LATS2: variants seen among roughly 807,000 people sequenced by gnomAD.
The protein encoded by LATS2 is large tumor suppressor kinase 2.
A neutral mutation model predicts 76.0 loss-of-function variants in LATS2; 24 were observed. The ratio of observed to expected loss-of-function variants is 0.32; its 90% CI spans 0.23 to 0.44. The LOEUF (loss-of-function observed/expected upper bound fraction) is 0.44. LATS2 is among the 20% of genes least tolerant of loss of function. LATS2 has a pLI of 1.00. For synonymous variants in LATS2, 692 were observed against 635.4 expected, an observed-to-expected ratio of 1.09 and a Z score of -1.34; for missense variants, 1,286 against 1,481.2, an observed-to-expected ratio of 0.87 and a Z score of 2.16.
intron 2 of LATS2, among the ~76,000 whole-genome samples, chr13:21,030,903 C>G (rs1872511894): frequency 6.6e-6 from 1 of 151,902 alleles, no homozygotes. Flanking sequence ...AATACAGGTC[C>G]CCTGGTAACA....
At position 20,975,334 on chromosome 13, in the gene LATS2, G is replaced by A. The variant is rs1869560766; in HGVS notation, c.2803C>T (p.Pro935Ser). The change falls in exon 8 of 8, where the codon CCA becomes TCA. Residue 935 changes from proline to serine, a missense_variant. By Grantham distance (74) the Pro-to-Ser change is moderately conservative. Transcript: ENST00000382592. ...VINWENTLHI[P>S]AQVKLSPEAR... ...TCAGGGCTCAGCTTCACCTGGGCTG[G>A]AATGTGGAGCGTGTTCTCCCAGTTG... The A allele has an allele frequency of 1.9e-6, 3 of 1,585,278 alleles. No homozygotes were observed. The highest frequency in any genetic ancestry group is 2.3e-5 in the South Asian group (2 of 87,322).
chr13:20,998,856 C>T (rs1209673552), intron 2 of LATS2, among the ~76,000 whole-genome samples: 1 of 151,330 alleles, frequency 6.6e-6, no homozygotes, highest in African/African-American at 2.4e-5. Flanking sequence ...GGGGGCCCTG[C>T]GACATTGTCC....
Position 20,973,516 on chromosome 13 carries a change from G to GTGTA in LATS2, c.*1353_*1354insTACA. 5.4e-5 allele frequency: 1 copy of GTGTA among 18,574 alleles called. No homozygotes were observed. Among genetic ancestry groups the GTGTA allele is most frequent in the Non-Finnish European group, 3.4e-4 (1 of 2,984 alleles). 1.2% of individuals were successfully genotyped at this position (18,574 alleles called of 1,614,324 possible). ...AATAAGGAATATTGTGTTTATCTCT[G>GTGTA]TGTGTGTGTGTGTGTGTGTATACAC... On this transcript the variant is annotated 3_prime_UTR_variant, in exon 8 of 8. Coordinates refer to ENST00000382592, the MANE Select transcript of LATS2 (RefSeq NM_014572.3).
At chr13:20,979,144 G>A (rs559728235) in intron 7 of LATS2, among the ~76,000 whole-genome samples, 7 of 152,298 alleles carry the variant, frequency 4.6e-5, no homozygotes, top group African/African-American at 1.2e-4. Context: ...TTGCTTTATT[G>A]TAAGAATACA....
rs753246414 is a variant in LATS2 at position 21,036,631 on chromosome 13, G to A, written c.342+9054C>T. On this transcript the variant is annotated intron_variant, in intron 2 of 7. Transcript: ENST00000382592. ...CTACTAAAAATACAAAAATTAGCCC[G>A]GCATGGTGGCGCGTGCCTGTAATCC... Among the ~76,000 whole-genome samples the A allele has an allele frequency of 5.3e-5, 8 of 152,080 alleles. No homozygotes were observed. In the South Asian group the frequency reaches 1.2e-3, roughly 24 times the overall value.
intron 2 of LATS2, among the ~76,000 whole-genome samples, chr13:21,002,717 G>C (rs1250676860): frequency 6.6e-6 from 1 of 152,020 alleles, no homozygotes; most frequent in Non-Finnish European, 1.5e-5. Context: ...TTTAGAGACA[G>C]GGTCTTGCTC....
chr13:20,983,404 C>G lies in LATS2; in HGVS notation c.2302G>C (p.Ala768Pro). Residue 768 changes from alanine (A) to proline (P), a missense_variant, in exon 5 of 8, where the codon GCC becomes CCC. By Grantham distance (27) the Ala-to-Pro change is conservative. This residue lies in a region of LATS2 where 247 missense variants were observed against 385.4 expected (regional missense o/e 0.64). Coordinates refer to ENST00000382592, the MANE Select transcript of LATS2 (RefSeq NM_014572.3). The part of the protein sequence containing the change: ...IRMEVFPEHL[A>P]RFYIAELTLA... ...GTCAGCTCTGCGATGTAGAACCGGG[C>G]CAGGTGCTCAGGGAAGACCTCCATC... is the stretch of plus-strand genomic sequence containing the variant. 1 of 1,613,968 alleles carries G rather than the reference C, an allele frequency of 6.2e-7. No homozygotes were observed. The highest frequency in any genetic ancestry group is 8.5e-7 in the Non-Finnish European group (1 of 1,179,988).
rs944935713 is a variant in LATS2, at chr13:20,991,903, T to C, written c.343-499A>G. On this transcript the variant is annotated intron_variant, in intron 2 of 7. Transcript: ENST00000382592. This position sits in a 1 kb window ranked among gnomAD's most constrained non-coding sequence, Gnocchi z 4.9. ...CACGCCTACTGTTTACAATGCCCCATGCTGGCTATAGCAGCGGAGGACTGG... is the reference window on the plus strand; with the variant it reads ...CACGCCTACTGTTTACAATGCCCCACGCTGGCTATAGCAGCGGAGGACTGG... Among the ~76,000 whole-genome samples the C allele has an allele frequency of 4.0e-4, 61 of 152,294 alleles. No individual in the cohort carries two copies. Among genetic ancestry groups the C allele is most frequent in the African/African-American group, 1.4e-3 (60 of 41,552 alleles).
chr13:20,985,912 T>C (rs1753891), intron 4 of LATS2, among the ~76,000 whole-genome samples: 127,039 of 151,910 alleles, frequency 0.84, 53,713 homozygotes, highest in East Asian at 1. Context: ...GGCGTGGTGG[T>C]GCATGCCTGT....
At chr13:21,038,913 G>A (rs1048681195) in intron 2 of LATS2, among the ~76,000 whole-genome samples, 8 of 152,314 alleles carry the variant, frequency 5.3e-5, no homozygotes, top group Middle Eastern at 3.4e-3. Flanking sequence ...CCGCGAGGCG[G>A]AGGTTGTAAT....
intron 2 of LATS2, among the ~76,000 whole-genome samples, chr13:21,043,918 C>G (rs1394450396): frequency 2.0e-5 from 3 of 152,180 alleles, no homozygotes; most frequent in Non-Finnish European, 4.4e-5. Flanking sequence ...TGCTGTTGGC[C>G]TGAAAGTTTC....
intron 1 of LATS2, among the ~76,000 whole-genome samples, chr13:21,047,524 G>C (rs897803567): frequency 2.6e-5 from 4 of 152,148 alleles, no homozygotes; most frequent in African/African-American, 9.7e-5. Context: ...TTACTCCACA[G>C]AACTCAATGA....
At chr13:21,024,402 C>A (rs1872221264) in intron 2 of LATS2, among the ~76,000 whole-genome samples, 1 of 152,026 alleles carries the variant, frequency 6.6e-6, no homozygotes, top group South Asian at 2.1e-4. Context: ...CGCCACTGTA[C>A]CCCAGCCTGG....
chr13:20,988,021 C>T lies in LATS2; in HGVS notation c.1759G>A (p.Glu587Lys). 3.7e-6 allele frequency: 6 copies of T among 1,614,264 alleles called. No homozygotes were observed. The highest frequency in any genetic ancestry group is 4.2e-6 in the Non-Finnish European group (5 of 1,180,046). ...PVPVRKNSRD[E>K]EKRESRIKSY... ...TTGATGCGTGACTCTCTCTTCTCTT[C>T]GTCTCTGCTGTTTTTGCGGACGGGA... Residue 587 changes from glutamate to lysine, a missense_variant, in exon 4 of 8, where the codon GAA (glutamate) becomes AAA (lysine). Glu to Lys is a moderately conservative substitution (Grantham distance 56, BLOSUM62 1). Around this residue, in one of 5 missense-constraint regions of LATS2, gnomAD observed 710 missense variants for 660.9 expected, o/e 1.07. Transcript: ENST00000382592.
intron 1 of LATS2, among the ~76,000 whole-genome samples, chr13:21,059,064 T>A (rs1873539594): frequency 6.6e-6 from 1 of 152,216 alleles, no homozygotes. Context: ...ATCTTCTAAG[T>A]TAAAATTTTA....
At chr13:20,998,712 G>A (rs1272305145) in intron 2 of LATS2, among the ~76,000 whole-genome samples, 2 of 152,246 alleles carry the variant, frequency 1.3e-5, no homozygotes, top group Non-Finnish European at 2.9e-5. Flanking sequence ...GCGATCTTGG[G>A]CAGGTGGGGC....
intron 4 of LATS2, 96 bp downstream of exon 4, chr13:20,987,785 G>C: frequency 7.2e-7 from 1 of 1,386,430 alleles, no homozygotes; most frequent in Non-Finnish European, 9.9e-7. Flanking sequence ...ATGATAAGGG[G>C]TATACAGTCG....
intron 2 of LATS2, among the ~76,000 whole-genome samples, chr13:21,041,973 G>A (rs907724119): frequency 1.3e-5 from 2 of 152,162 alleles, no homozygotes; most frequent in Non-Finnish European, 2.9e-5. Context: ...GGCTTCCGCA[G>A]AACAGAAATA....
intron 4 of LATS2, 132 bp downstream of exon 4, chr13:20,987,749 C>A: frequency 9.6e-7 from 1 of 1,043,220 alleles, no homozygotes; most frequent in Non-Finnish European, 1.4e-6. Flanking sequence ...GCCCCAGAAC[C>A]AGACTGTCGC....
Sources: gnomAD v4.1 joint callset for allele counts (sites outside exome capture counted in the v4.1 genomes callset) on GRCh38, gnomAD v4.1.1 for gene constraint, gnomAD v4.1.1 regional missense constraint, Gnocchi (gnomAD v3.1) non-coding constraint, MANE v1.5 for transcripts, NCBI Gene and HGNC (gene_info 2026-07-23, HGNC 2026-07-21) for gene names.